Variants in TYW1 observed in about 807,000 individuals in gnomAD.
The protein encoded by TYW1 is tRNA-yW synthesizing protein 1 homolog, also known as S-adenosyl-L-methionine-dependent tRNA 4-demethylwyosine synthase TYW1.
A neutral mutation model predicts 96.2 loss-of-function variants in TYW1; 46 were observed. That is an observed-to-expected ratio of 0.48 (90% CI 0.38 to 0.61). The LOEUF (loss-of-function observed/expected upper bound fraction) is 0.61. Ranked by LOEUF, TYW1 falls within the 20% of genes least tolerant of loss-of-function variation. TYW1 has a pLI of 0.00. For synonymous variants in TYW1, 274 were observed against 323.0 expected, an observed-to-expected ratio of 0.85 and a Z score of 1.63; for missense variants, 684 against 909.6, an observed-to-expected ratio of 0.75 and a Z score of 3.19.
At chr7:67,226,557 A>T (rs1194658732) in intron 15 of TYW1, among the ~76,000 whole-genome samples, 1 of 152,120 alleles carries the variant, frequency 6.6e-6, no homozygotes. Context: ...CTCCTGGCTC[A>T]CTGGCTTCCC....
chr7:67,105,386 A>G (rs1375562923), intron 12 of TYW1, among the ~76,000 whole-genome samples: 1 of 152,218 alleles, frequency 6.6e-6, no homozygotes, highest in Non-Finnish European at 1.5e-5. Context: ...ATGATATGCA[A>G]TCCATTTTCT....
At chr7:67,009,719 C>G (rs1793727300) in intron 4 of TYW1, 35 bp downstream of exon 4, 1 of 1,517,168 alleles carries the variant, frequency 6.6e-7, no homozygotes, top group Non-Finnish European at 9.0e-7. Flanking sequence ...TCAAAACTCT[C>G]AAATTTAACT....
intron 11 of TYW1, among the ~76,000 whole-genome samples, chr7:67,085,868 G>A (rs1796533571): frequency 6.6e-6 from 1 of 151,884 alleles, no homozygotes; most frequent in African/African-American, 2.4e-5. Flanking sequence ...TACTTGGGAG[G>A]CTGAGGCAGG....
intron 15 of TYW1, among the ~76,000 whole-genome samples, chr7:67,200,807 A>G (rs2421392): frequency 0.25 from 38,252 of 152,018 alleles, 5,002 homozygotes; most frequent in African/African-American, 0.3. Context: ...CAGAGGAGGC[A>G]CCATTTAACT....
At chr7:67,171,070 C>G (rs1334349625) in intron 13 of TYW1, among the ~76,000 whole-genome samples, 2 of 152,038 alleles carry the variant, frequency 1.3e-5, no homozygotes, top group Non-Finnish European at 2.9e-5. Flanking sequence ...TGTTCAATCT[C>G]TTGACTTGTA....
chr7:67,055,811 T>C (rs1420076976), intron 8 of TYW1, 24 bp from the exon 9 acceptor site: 1 of 1,601,868 alleles, frequency 6.2e-7, no homozygotes, highest in Non-Finnish European at 8.5e-7. Flanking sequence ...AGTCCAACTT[T>C]GTGTTCCCTG....
chr7:67,210,731 GTCA>G, intron 15 of TYW1, among the ~76,000 whole-genome samples: 1 of 102,238 alleles, frequency 9.8e-6, no homozygotes. Flanking sequence ...ATGTCCATCA[GTCA>G]TCTGTCATCT....
At chr7:67,101,870 G>C (rs1408047983) in intron 12 of TYW1, among the ~76,000 whole-genome samples, 2 of 152,166 alleles carry the variant, frequency 1.3e-5, no homozygotes, top group Admixed American at 6.5e-5. Flanking sequence ...ATGAAAATCA[G>C]TGTATTGTCA....
intron 8 of TYW1, among the ~76,000 whole-genome samples, chr7:67,051,410 G>A (rs1358083969): frequency 6.6e-6 from 1 of 152,050 alleles, no homozygotes; most frequent in East Asian, 1.9e-4. Context: ...TGGGCTCAAG[G>A]AATCCTCCTG....
intron 7 of TYW1, among the ~76,000 whole-genome samples, chr7:67,042,616 T>G (rs952596398): frequency 5.3e-5 from 8 of 152,138 alleles, no homozygotes; most frequent in African/African-American, 1.9e-4. Context: ...AGCTTTCTCC[T>G]GAAGGCAGTG....
intron 3 of TYW1, among the ~76,000 whole-genome samples, chr7:67,006,205 A>G (rs1793580639): frequency 6.6e-6 from 1 of 152,050 alleles, no homozygotes; most frequent in South Asian, 2.1e-4. Flanking sequence ...TCCTCGTGAC[A>G]GTGAGTTCTC....
At chr7:67,075,461 T>G (rs1239920961) in intron 10 of TYW1, among the ~76,000 whole-genome samples, 2 of 152,136 alleles carry the variant, frequency 1.3e-5, no homozygotes, top group African/African-American at 4.8e-5. Context: ...ATTCATAATA[T>G]CCAAAAAGTA....
At chr7:67,224,545 G>A (rs2116427756) in intron 15 of TYW1, among the ~76,000 whole-genome samples, 1 of 152,288 alleles carries the variant, frequency 6.6e-6, no homozygotes, top group Admixed American at 6.5e-5. Context: ...GGTAAACTTA[G>A]CCTTCTTTTT....
chr7:67,066,539 A>G (rs575196049), intron 9 of TYW1, among the ~76,000 whole-genome samples: 9 of 152,244 alleles, frequency 5.9e-5, no homozygotes, highest in African/African-American at 1.7e-4. Flanking sequence ...TGCTTCCACA[A>G]TGTCTCAAAT....
chr7:67,098,097 C>G (rs1796975588), intron 11 of TYW1, among the ~76,000 whole-genome samples: 1 of 152,144 alleles, frequency 6.6e-6, no homozygotes, highest in South Asian at 2.1e-4. Context: ...ACGATTAGGT[C>G]TCTTCTTTTT....
chr7:67,092,674 CTTTTTTTTTTT>C (rs3980762), intron 11 of TYW1, among the ~76,000 whole-genome samples: 28,404 of 92,538 alleles, frequency 0.31, 2,982 homozygotes, highest in Middle Eastern at 0.39. Flanking sequence ...CTATCACCTT[CTTTTTTTTTTT>C]TTTTTTTTTT....
chr7:67,202,467 G>T (rs1251002980), intron 15 of TYW1, among the ~76,000 whole-genome samples: 1 of 152,082 alleles, frequency 6.6e-6, no homozygotes, highest in African/African-American at 2.4e-5. Context: ...CGTGAACATG[G>T]CTCATTGCAA....
intron 12 of TYW1, among the ~76,000 whole-genome samples, chr7:67,113,271 A>G (rs538229066): frequency 6.6e-6 from 1 of 151,648 alleles, no homozygotes; most frequent in South Asian, 2.1e-4. Context: ...CCAGAATGTA[A>G]ATATTAAGGG....
At chr7:67,154,703 A>G (rs1012031915) in intron 13 of TYW1, among the ~76,000 whole-genome samples, 4 of 150,484 alleles carry the variant, frequency 2.7e-5, no homozygotes, top group Admixed American at 6.6e-5. Context: ...AGCCTGCTGT[A>G]TCTGGTTGTC....
Sources: allele counts gnomAD v4.1 joint callset (sites outside exome capture counted in the v4.1 genomes callset), GRCh38; gene constraint gnomAD v4.1.1; transcripts MANE v1.5; gene names NCBI Gene and HGNC (gene_info 2026-07-23, HGNC 2026-07-21).